Variants in CSMD3 observed in about 807,000 individuals in gnomAD.
The protein encoded by CSMD3 is CUB and sushi domain-containing protein 3.
A neutral mutation model predicts 435.2 loss-of-function variants in CSMD3; 177 were observed. The ratio of observed to expected loss-of-function variants is 0.41; its 90% CI spans 0.36 to 0.46. CSMD3 has a LOEUF of 0.46. Ranked by LOEUF, CSMD3 falls within the 20% of genes least tolerant of loss-of-function variation. The pLI, the probability that CSMD3 is intolerant of heterozygous loss-of-function variation, is 0.34. For synonymous variants in CSMD3, 1,656 were observed against 1,520.5 expected, an observed-to-expected ratio of 1.09 and a Z score of -2.07; for missense variants, 4,265 against 4,504.6, an observed-to-expected ratio of 0.95 and a Z score of 1.52.
At chr8:112,735,434 C>T (rs1294090382) in intron 13 of CSMD3, among the ~76,000 whole-genome samples, 3 of 151,984 alleles carry the variant, frequency 2.0e-5, no homozygotes, top group Non-Finnish European at 4.4e-5. Flanking sequence ...TCAGAGGTTA[C>T]CACATAAGTG....
chr8:113,183,389 T>A (rs2131941943), intron 3 of CSMD3, among the ~76,000 whole-genome samples: 1 of 152,132 alleles, frequency 6.6e-6, no homozygotes, highest in African/African-American at 2.4e-5. Context: ...TCCAGGTTTT[T>A]TTTGGTGCCA....
At chr8:113,262,584 C>A (rs2093436212) in intron 3 of CSMD3, among the ~76,000 whole-genome samples, 1 of 151,900 alleles carries the variant, frequency 6.6e-6, no homozygotes, top group Non-Finnish European at 1.5e-5. Context: ...CTCTTTTTAG[C>A]CAACTAAAGA....
chr8:113,323,072 T>C (rs1412017644), intron 1 of CSMD3, among the ~76,000 whole-genome samples: 1 of 152,162 alleles, frequency 6.6e-6, no homozygotes, highest in African/African-American at 2.4e-5. Flanking sequence ...TTTTTTAATT[T>C]AGATGAGTGC....
intron 13 of CSMD3, among the ~76,000 whole-genome samples, chr8:112,730,523 C>A (rs1183338860): frequency 6.6e-6 from 1 of 152,062 alleles, no homozygotes; most frequent in Non-Finnish European, 1.5e-5. Context: ...AGTAGTTTGA[C>A]AATATTAAGT....
chr8:112,596,464 G>A (rs1353895929), intron 22 of CSMD3, among the ~76,000 whole-genome samples: 1 of 152,078 alleles, frequency 6.6e-6, no homozygotes, highest in Non-Finnish European at 1.5e-5. Flanking sequence ...CAACGAGACA[G>A]AAAGTTAACT....
At chr8:112,803,236 T>A (rs1057457854) in intron 12 of CSMD3, among the ~76,000 whole-genome samples, 6 of 152,198 alleles carry the variant, frequency 3.9e-5, no homozygotes, top group Admixed American at 3.9e-4. Context: ...TCTTTCTGCA[T>A]CCCTTGTGTC....
chr8:112,400,803 A>T (rs1012201743), intron 35 of CSMD3, among the ~76,000 whole-genome samples: 3 of 152,182 alleles, frequency 2.0e-5, no homozygotes, highest in Admixed American at 6.5e-5. Flanking sequence ...TGATGGCTAA[A>T]ATGCTGGGAT....
chr8:112,577,684 A>C (rs1291145805), intron 23 of CSMD3, among the ~76,000 whole-genome samples: 1 of 152,184 alleles, frequency 6.6e-6, no homozygotes, highest in Non-Finnish European at 1.5e-5. Context: ...AAAACTTAAC[A>C]TTGCCATGTT....
intron 64 of CSMD3, among the ~76,000 whole-genome samples, chr8:112,245,913 C>T (rs1451358575): frequency 6.6e-6 from 1 of 152,182 alleles, no homozygotes; most frequent in Non-Finnish European, 1.5e-5. Context: ...AGGAAAACTA[C>T]AGTCTGTCTC....
At chr8:112,409,465 T>A (rs1467218426) in intron 32 of CSMD3, among the ~76,000 whole-genome samples, 1 of 152,032 alleles carries the variant, frequency 6.6e-6, no homozygotes, top group East Asian at 1.9e-4. Flanking sequence ...GGGGATTTTT[T>A]AAGTTGTCCT....
At chr8:112,850,897 T>C (rs1284653194) in intron 11 of CSMD3, among the ~76,000 whole-genome samples, 1 of 152,168 alleles carries the variant, frequency 6.6e-6, no homozygotes, top group Non-Finnish European at 1.5e-5. Flanking sequence ...GTCCAGCATA[T>C]GGTCAAAATA....
intron 64 of CSMD3, 86 bp downstream of exon 64, chr8:112,246,934 G>C: frequency 2.3e-6 from 2 of 877,164 alleles, no homozygotes; most frequent in East Asian, 2.6e-5. Context: ...TACACATATA[G>C]ATGTAAATGT....
At chr8:112,636,772 A>T (rs2074671884) in intron 22 of CSMD3, 45 bp downstream of exon 22, 3 of 1,475,398 alleles carry the variant, frequency 2.0e-6, no homozygotes, top group African/African-American at 1.4e-5. Context: ...AACTCCATGG[A>T]CAGTGACTAC....
At chr8:112,379,954 T>G (rs762682158) in intron 38 of CSMD3, among the ~76,000 whole-genome samples, 1 of 151,974 alleles carries the variant, frequency 6.6e-6, no homozygotes, top group Non-Finnish European at 1.5e-5. Flanking sequence ...AGTAGAACAG[T>G]GGTTGTCAGG....
intron 1 of CSMD3, among the ~76,000 whole-genome samples, chr8:113,356,368 A>C (rs960588439): frequency 6.6e-6 from 1 of 152,176 alleles, no homozygotes; most frequent in Non-Finnish European, 1.5e-5. Context: ...AACTATGTTC[A>C]TCAAACCTGA....
At chr8:113,257,797 T>A (rs1346020879) in intron 3 of CSMD3, among the ~76,000 whole-genome samples, 1 of 152,196 alleles carries the variant, frequency 6.6e-6, no homozygotes, top group Non-Finnish European at 1.5e-5. Context: ...TGTAGAAACA[T>A]AAATTGCTCA....
chr8:112,739,399 A>G (rs1424131156), intron 13 of CSMD3, among the ~76,000 whole-genome samples: 2 of 151,782 alleles, frequency 1.3e-5, no homozygotes, highest in Non-Finnish European at 2.9e-5. Context: ...TATTAAGGCC[A>G]TAAACCTAGA....
At chr8:112,784,999 T>G (rs2078500593) in intron 13 of CSMD3, among the ~76,000 whole-genome samples, 1 of 152,028 alleles carries the variant, frequency 6.6e-6, no homozygotes, top group Non-Finnish European at 1.5e-5. Context: ...TGAACATTGA[T>G]GTAAAAATCC....
intron 5 of CSMD3, among the ~76,000 whole-genome samples, chr8:113,019,636 T>C (rs1301981804): frequency 1.3e-5 from 2 of 150,146 alleles, no homozygotes; most frequent in African/African-American, 4.9e-5. Context: ...TCAACGTGCT[T>C]CTCATATATG....
Sources: allele counts gnomAD v4.1 joint callset (sites outside exome capture counted in the v4.1 genomes callset), GRCh38; gene constraint gnomAD v4.1.1; transcripts MANE v1.5; gene names NCBI Gene and HGNC (gene_info 2026-07-23, HGNC 2026-07-21).